The following PARVG variants were observed in gnomAD, a reference collection of about 807,000 sequenced individuals.
The protein encoded by PARVG is gamma-parvin.
In PARVG, 36 loss-of-function variants were observed where a neutral mutation model predicts 44.4. The ratio of observed to expected loss-of-function variants is 0.81; its 90% confidence interval spans 0.62 to 1.07. The LOEUF (loss-of-function observed/expected upper bound fraction) is 1.07, where lower values mean the gene tolerates loss of function less well. Among genes scored for constraint, PARVG ranks in the 50% least tolerant of loss-of-function variants. The pLI is 0.00. For missense variants in PARVG, 407 were observed against 407.4 expected (o/e 1.00, Z 0.01); for synonymous variants, 170 against 174.1 (o/e 0.98, Z 0.19).
Position 44,185,832 on chromosome 22 carries a change from C to T in PARVG, c.104C>T (p.Pro35Leu), listed in dbSNP as rs2054458336. 6.2e-7 allele frequency: 1 copy of T among 1,613,768 alleles called. No individual in the cohort carries two copies. The highest frequency in any genetic ancestry group is 1.1e-5 in the South Asian group (1 of 91,054). The part of the protein sequence containing the change: ...SKGGKKKYLP[P>L]TSRKDPKFEE... ...GGAGGAAAGAAGAAATACCTGCCACCCACTTCCCGGAAGGACCCCAAATTT... is the reference window on the plus strand; with the variant it reads ...GGAGGAAAGAAGAAATACCTGCCACTCACTTCCCGGAAGGACCCCAAATTT... Residue 35 changes from proline (P) to leucine (L), a missense_variant, in exon 4 of 14, where the codon CCC becomes CTC. Physicochemically the swap from Pro to Leu is moderately conservative, Grantham distance 98. Transcript: ENST00000444313.
chr22:44,195,033 T>C (rs542752080), intron 9 of PARVG, among the ~76,000 whole-genome samples: 15 of 152,266 alleles, frequency 9.9e-5, no homozygotes, highest in Admixed American at 3.9e-4. Context: ...TGGGCAGGGA[T>C]GCTATGAGGG....
intron 4 of PARVG, chr22:44,186,412 C>T (rs1022668850): frequency 2.6e-6 from 1 of 378,928 alleles, no homozygotes; most frequent in Non-Finnish European, 5.4e-6. Flanking sequence ...GCCTCTGTTT[C>T]CCTCAGCGTC....
intron 12 of PARVG, among the ~76,000 whole-genome samples, chr22:44,202,627 G>A (rs1213263685): frequency 3.3e-5 from 5 of 152,382 alleles, no homozygotes; most frequent in Admixed American, 2.0e-4. Context: ...ACAGCATATT[G>A]TGGGCAATCT....
chr22:44,204,767 C>T lies in PARVG; in HGVS notation c.814-990C>T, dbSNP rs116530653. On this transcript the variant is annotated intron_variant, in intron 12 of 13. Coordinates refer to ENST00000444313, the MANE Select transcript of PARVG (RefSeq NM_022141.7). The stretch of plus-strand genomic sequence containing the variant: ...ATGTCCACCCCGTCTAGTGGATCTA[C>T]GGGTGGCTAAGACATTGAAGGGAGG... Among the ~76,000 whole-genome samples the T allele has an allele frequency of 7.1e-3, 1,087 of 152,342 alleles. 13 individuals carry two copies. Among genetic ancestry groups the T allele is most frequent in the African/African-American group, 0.024 (1,014 of 41,568 alleles).
At chr22:44,199,244 A>C (rs918883326) in intron 12 of PARVG, among the ~76,000 whole-genome samples, 1 of 151,286 alleles carries the variant, frequency 6.6e-6, no homozygotes, top group Non-Finnish European at 1.5e-5. Context: ...CTGTCTACCC[A>C]CCCATAGGAA....
chr22:44,174,146 G>A (rs989005720), intron 1 of PARVG, among the ~76,000 whole-genome samples: 1 of 152,168 alleles, frequency 6.6e-6, no homozygotes, highest in Non-Finnish European at 1.5e-5. Context: ...TGAGAAGAGC[G>A]TCCCCTGCCC....
At chr22:44,179,529 G>C (rs1487821829), upstream of PARVG, among the ~76,000 whole-genome samples, 1 of 152,166 alleles carries the variant, frequency 6.6e-6, no homozygotes, top group Non-Finnish European at 1.5e-5. This position sits in a 1 kb window ranked among gnomAD's most constrained non-coding sequence, Gnocchi z 4.2. Flanking sequence ...CTCGTATTGC[G>C]TATGGAAGCC....
rs755777549 is a variant in PARVG, at chr22:44,193,796, C to G, written c.561-5C>G. 4.3e-6 allele frequency: 7 copies of G among 1,613,790 alleles called. No individual in the cohort carries two copies. The highest frequency in any genetic ancestry group is 1.6e-4 in the Middle Eastern group (1 of 6,082). Reference sequence around the variant, plus strand: ...ATTTGTTTGCTTTTTCCACCCACTGCACAGCACAGACAAGGACGAGCCTCC... The same window carrying G: ...ATTTGTTTGCTTTTTCCACCCACTGGACAGCACAGACAAGGACGAGCCTCC... On this transcript the variant is annotated splice_region_variant and splice_polypyrimidine_tract_variant and intron_variant, in intron 8 of 13. Coordinates refer to ENST00000444313, the MANE Select transcript of PARVG (RefSeq NM_022141.7).
chr22:44,177,507 G>C (rs912941949), upstream of PARVG, among the ~76,000 whole-genome samples: 1 of 152,144 alleles, frequency 6.6e-6, no homozygotes, highest in Non-Finnish European at 1.5e-5. Flanking sequence ...CTGTAGTCTG[G>C]AGTGGCCCTT....
rs534229732 is a variant in PARVG, at chr22:44,202,067, G to A, written c.813+3345G>A. On this transcript the variant is annotated intron_variant, in intron 12 of 13. Transcript: ENST00000444313. ...ACGGGCAGTGTGGACGAATGTGCTAGCAAATCCTCATGTTGGGTCTTGGAG... is the reference window on the plus strand; with the variant it reads ...ACGGGCAGTGTGGACGAATGTGCTAACAAATCCTCATGTTGGGTCTTGGAG... 2.9e-4 allele frequency among the ~76,000 whole-genome samples: 44 copies of A among 152,360 alleles called. No homozygotes were observed. In the South Asian group the frequency reaches 9.1e-3, roughly 32 times the overall value.
At chr22:44,179,716 G>A (rs768137364), upstream of PARVG, among the ~76,000 whole-genome samples, 3 of 151,384 alleles carry the variant, frequency 2.0e-5, no homozygotes, top group East Asian at 3.9e-4. This position sits in a 1 kb window ranked among gnomAD's most constrained non-coding sequence, Gnocchi z 4.2. Flanking sequence ...CCTGGAGGTC[G>A]TGTTGCCTGC....
At chr22:44,194,728 A>G (rs2054595688) in intron 9 of PARVG, among the ~76,000 whole-genome samples, 1 of 151,042 alleles carries the variant, frequency 6.6e-6, no homozygotes, top group African/African-American at 2.4e-5. Flanking sequence ...CCATCCATCC[A>G]TCCCTCCATC....
chr22:44,202,811 A>G (rs2054727448), intron 12 of PARVG, among the ~76,000 whole-genome samples: 1 of 152,218 alleles, frequency 6.6e-6, no homozygotes, highest in African/African-American at 2.4e-5. Context: ...TATGTGAGAT[A>G]GTTATTCATT....
intron 6 of PARVG, among the ~76,000 whole-genome samples, 179 bp from the exon 7 acceptor site, chr22:44,190,372 G>A (rs2054531127): frequency 6.6e-6 from 1 of 152,196 alleles, no homozygotes; most frequent in South Asian, 2.1e-4. Context: ...GTGAGATGAT[G>A]GGGTGAAGTG....
At chr22:44,205,881 G>A in intron 13 of PARVG, 52 bp downstream of exon 13, 2 of 1,587,234 alleles carry the variant, frequency 1.3e-6, no homozygotes, top group Non-Finnish European at 1.7e-6. Context: ...TGGCAGCCTT[G>A]TGCGAGAGCC....
chr22:44,187,486 G>C (rs969953090), intron 4 of PARVG: 2 of 471,576 alleles, frequency 4.2e-6, no homozygotes, highest in African/African-American at 3.9e-5. Context: ...CCATTTTTGG[G>C]TATTTGCTAT....
intron 12 of PARVG, among the ~76,000 whole-genome samples, chr22:44,200,737 A>G (rs2147238636): frequency 6.6e-6 from 1 of 152,256 alleles, no homozygotes; most frequent in African/African-American, 2.4e-5. Context: ...GGGAGAGACA[A>G]AGGCTTCCAT....
intron 5 of PARVG, 62 bp downstream of exon 5, chr22:44,187,940 A>G (rs2054497394): frequency 1.3e-6 from 2 of 1,524,020 alleles, no homozygotes; most frequent in Non-Finnish European, 1.8e-6. Context: ...TGGCCCCTCC[A>G]GGGCCCACAG....
chr22:44,181,797 C>T lies in PARVG; in HGVS notation c.-133C>T. The T allele has an allele frequency of 4.1e-6, 4 of 985,464 alleles. No individual in the cohort carries two copies. The highest frequency in any genetic ancestry group is 4.8e-6 in the Non-Finnish European group (4 of 829,952). The allele number at this position is 985,464 out of a possible 1,614,324, so 61.0% of individuals were successfully genotyped here. On this transcript the variant is annotated 5_prime_UTR_variant, in exon 2 of 14. Coordinates refer to ENST00000444313, the MANE Select transcript of PARVG (RefSeq NM_022141.7). Reference sequence around the variant, plus strand: ...CCTGGAGGAAGTGAGCAGCGGGGCTCCTGCCTCCCGGCCTGGTCCCCGAAG... The same window carrying T: ...CCTGGAGGAAGTGAGCAGCGGGGCTTCTGCCTCCCGGCCTGGTCCCCGAAG...
Sources: allele counts gnomAD v4.1 joint callset (sites outside exome capture counted in the v4.1 genomes callset), GRCh38; gene constraint gnomAD v4.1.1; non-coding constraint Gnocchi (gnomAD v3.1); transcripts MANE v1.5; gene names NCBI Gene and HGNC (gene_info 2026-07-23, HGNC 2026-07-21).